CUBN: variants seen among roughly 807,000 people sequenced by gnomAD.
The protein encoded by CUBN is 460 kDa receptor.
Under a neutral mutation model 405.3 loss-of-function variants are expected in CUBN, and 282 were observed. The ratio of observed to expected loss-of-function variants is 0.70; its 90% CI spans 0.63 to 0.77. The LOEUF (loss-of-function observed/expected upper bound fraction) is 0.77, where lower values mean the gene tolerates loss of function less well. Among genes scored for constraint, CUBN ranks in the 30% least tolerant of loss-of-function variants. CUBN has a pLI of 0.00. For synonymous variants in CUBN, 1,684 were observed against 1,617.0 expected (o/e 1.04, Z -0.99); for missense variants, 4,514 against 4,475.2 (o/e 1.01, Z -0.25).
At position 17,127,841 on chromosome 10, in the gene CUBN, C is replaced by T. The variant is rs773683882; in HGVS notation, c.336G>A (p.Gln112=). The change falls in exon 3 of 67, where the codon CAG becomes CAA. Residue 112 remains glutamine, a synonymous_variant. Coordinates refer to ENST00000377833, the MANE Select transcript of CUBN (RefSeq NM_001081.4). ...ATGTCAGACTTACCTTGGAATTAAG[C>T]TGATAGATTTGACTAGATATATTTT... The part of the protein sequence containing the change: ...LPQNISSQIY[Q]LNSKLVDLER... 6.2e-7 allele frequency: 1 copy of T among 1,611,450 alleles called. No homozygotes were observed. Among genetic ancestry groups the T allele is most frequent in the South Asian group, 1.1e-5 (1 of 91,012 alleles).
At chr10:16,826,295 C>T (rs1183367045) in intron 66 of CUBN, among the ~76,000 whole-genome samples, 1 of 51,474 alleles carries the variant, frequency 1.9e-5, no homozygotes, top group Non-Finnish European at 3.4e-5. Context: ...GTTTAACAAA[C>T]ATATTTACAT....
intron 62 of CUBN, among the ~76,000 whole-genome samples, chr10:16,839,305 T>C (rs1477090391): frequency 1.3e-5 from 2 of 152,148 alleles, no homozygotes; most frequent in African/African-American, 2.4e-5. Flanking sequence ...ACACACCTGA[T>C]TGGAGGGCTT....
chr10:16,914,106 C>T (rs1431965771), intron 47 of CUBN, 114 bp from the exon 48 acceptor site: 176 of 1,123,514 alleles, frequency 1.6e-4, no homozygotes, highest in Middle Eastern at 2.2e-4. Context: ...TAAAATTAGT[C>T]TCCATATTTA....
intron 28 of CUBN, among the ~76,000 whole-genome samples, chr10:16,991,629 CTG>C (rs1491492792): frequency 1.9e-5 from 1 of 53,692 alleles, no homozygotes; most frequent in African/African-American, 5.3e-5. Context: ...GCCTCTTTTT[CTG>C]TTTTTTTTTT....
chr10:16,863,629 C>T (rs1283648941), intron 59 of CUBN, among the ~76,000 whole-genome samples: 1 of 152,032 alleles, frequency 6.6e-6, no homozygotes, highest in Non-Finnish European at 1.5e-5. Context: ...TAGAATGCCT[C>T]ACAAAGTTTA....
chr10:17,026,020 AGCAGCATCTCTTCCTGTT>A (rs1045078601), intron 27 of CUBN, among the ~76,000 whole-genome samples: 3 of 152,132 alleles, frequency 2.0e-5, no homozygotes, highest in Non-Finnish European at 4.4e-5. Flanking sequence ...GCTAAAAGTG[AGCAGCATCTCTTCCTGTT>A]GCAGCCTCCC....
At chr10:17,127,299 T>G in intron 3 of CUBN, among the ~76,000 whole-genome samples, 1 of 134,794 alleles carries the variant, frequency 7.4e-6, no homozygotes, top group East Asian at 2.5e-4. Context: ...AAGGTCCCAC[T>G]CTGTTGCCTG....
chr10:16,833,283 C>G (rs2131307059), intron 64 of CUBN, among the ~76,000 whole-genome samples: 1 of 152,282 alleles, frequency 6.6e-6, no homozygotes, highest in African/African-American at 2.4e-5. Flanking sequence ...GTACACAGGT[C>G]CAAGTTGAAT....
In CUBN at chr10:17,129,178, G is replaced by A. The variant is rs373954380; in HGVS notation, c.195C>T (p.Thr65=). The A allele has an allele frequency of 3.5e-5, 57 of 1,613,202 alleles. No individual in the cohort carries two copies. The highest frequency in any genetic ancestry group is 4.5e-5 in the Non-Finnish European group (53 of 1,179,368). The change falls in exon 2 of 67, where the codon ACC becomes ACT. Residue 65 remains threonine, a synonymous_variant. Transcript: ENST00000377833. ...TGSAQNIEFR[T]GSLGKIKLND... ...TTAATTTAATTTTTCCCAGGGATCC[G>A]GTTCTAAACTCAATGTTTTGAGCAG...
intron 60 of CUBN, among the ~76,000 whole-genome samples, chr10:16,850,016 C>A (rs1839638273): frequency 6.6e-6 from 1 of 152,178 alleles, no homozygotes; most frequent in South Asian, 2.1e-4. Flanking sequence ...ACACAGCCAG[C>A]CTCTTTACGC....
chr10:17,106,631 C>G (rs992421070), intron 10 of CUBN, among the ~76,000 whole-genome samples: 8 of 149,776 alleles, frequency 5.3e-5, no homozygotes, highest in Non-Finnish European at 8.9e-5. Context: ...TATAGGTACT[C>G]TCTTATAATC....
chr10:17,081,132 T>C lies in CUBN; in HGVS notation c.2301+3139A>G, dbSNP rs562491027. Among the ~76,000 whole-genome samples the C allele has an allele frequency of 1.1e-4, 17 of 152,312 alleles. No homozygotes were observed. The East Asian group carries it at 3.1e-3, about 28-fold the overall frequency. On this transcript the variant is annotated intron_variant, in intron 17 of 66. Transcript: ENST00000377833. The stretch of plus-strand genomic sequence containing the variant: ...TTAAAATCTATTCTTTAATGAGTGC[T>C]TATGGAACTCTCTTACTGAGCAAAA...
chr10:17,065,773 T>A, intron 21 of CUBN, 135 bp from the exon 22 acceptor site: 1 of 1,050,702 alleles, frequency 9.5e-7, no homozygotes, highest in Non-Finnish European at 1.4e-6. Flanking sequence ...AACACAAATA[T>A]ATTTCAGGCA....
intron 29 of CUBN, among the ~76,000 whole-genome samples, chr10:16,985,913 G>A (rs1833404117): frequency 6.6e-6 from 1 of 152,170 alleles, no homozygotes; most frequent in Non-Finnish European, 1.5e-5. Flanking sequence ...GAGTCTCCTT[G>A]GGCTCACGGA....
chr10:16,938,938 A>G (rs1478210927), intron 38 of CUBN, 25 bp downstream of exon 38: 1 of 1,586,098 alleles, frequency 6.3e-7, no homozygotes. Context: ...ATATTTATGA[A>G]CATTGATTGC....
At chr10:16,968,884 G>A (rs1843474289) in intron 31 of CUBN, among the ~76,000 whole-genome samples, 1 of 152,204 alleles carries the variant, frequency 6.6e-6, no homozygotes, top group African/African-American at 2.4e-5. Context: ...ATTGAGGAGA[G>A]CCCAAGGTTA....
At chr10:17,028,277 C>T (rs1660837687) in intron 27 of CUBN, among the ~76,000 whole-genome samples, 1 of 150,672 alleles carries the variant, frequency 6.6e-6, no homozygotes, top group African/African-American at 2.4e-5. Flanking sequence ...TCTTAAAATT[C>T]TCACCACCTG....
At chr10:17,078,697 A>G (rs904873801) in intron 17 of CUBN, among the ~76,000 whole-genome samples, 3 of 152,186 alleles carry the variant, frequency 2.0e-5, no homozygotes, top group Admixed American at 2.0e-4. Flanking sequence ...TACTAGTACT[A>G]CTAGTACTAT....
In CUBN at chr10:16,972,181, G is replaced by A. The variant is rs967716919; in HGVS notation, c.4695+10303C>T. Reference sequence around the variant, plus strand: ...CTCTCCTCTGATCTTTCATCCACCCGTTACATGGCAGTGTTTCCCCAGGAG... The same window carrying A: ...CTCTCCTCTGATCTTTCATCCACCCATTACATGGCAGTGTTTCCCCAGGAG... On this transcript the variant is annotated intron_variant, in intron 31 of 66. Coordinates refer to ENST00000377833, the MANE Select transcript of CUBN (RefSeq NM_001081.4). Among the ~76,000 whole-genome samples, 19 of 152,062 alleles carry A rather than the reference G, an allele frequency of 1.2e-4. 5 individuals carry two copies. The highest frequency in any genetic ancestry group is 2.0e-4 in the Admixed American group (3 of 15,276).
Sources: allele counts gnomAD v4.1 joint callset (sites outside exome capture counted in the v4.1 genomes callset), GRCh38; gene constraint gnomAD v4.1.1; transcripts MANE v1.5; gene names NCBI Gene and HGNC (gene_info 2026-07-23, HGNC 2026-07-21).